Variants in NRXN3 observed in about 807,000 individuals in gnomAD.
The protein encoded by NRXN3 is neurexin 3.
NRXN3 carries 32 observed loss-of-function variants against 137.6 expected under a neutral mutation model. The observed-to-expected ratio is 0.23, with a 90% CI of 0.18 to 0.31. The LOEUF is 0.31. NRXN3 is among the 10% of genes least tolerant of loss of function. The pLI, the probability that NRXN3 is intolerant of heterozygous loss-of-function variation, is 1.00. For synonymous variants in NRXN3, 798 were observed against 784.5 expected, an observed-to-expected ratio of 1.02 and a Z score of -0.29; for missense variants, 1,574 against 2,062.5, an observed-to-expected ratio of 0.76 and a Z score of 4.59.
chr14:78,473,949 C>G lies in NRXN3; in HGVS notation c.758-171171C>G, dbSNP rs533942713. 5.0e-4 allele frequency among the ~76,000 whole-genome samples: 76 copies of G among 152,212 alleles called. 3 individuals are homozygous for G. The South Asian group carries it at 0.015, about 30-fold the overall frequency. On this transcript the variant is annotated intron_variant, in intron 4 of 20. Coordinates refer to ENST00000335750, the MANE Select transcript of NRXN3 (RefSeq NM_001330195.2). ...AGTGTCAGTGTCTTTTGTTACCTAC[C>G]CTGGGATGTCACACTGTCATTTCCT...
At chr14:78,615,968 A>C (rs1490839416) in intron 4 of NRXN3, among the ~76,000 whole-genome samples, 5 of 152,154 alleles carry the variant, frequency 3.3e-5, no homozygotes. Context: ...CAAACAAAAC[A>C]AAACAAATCA....
intron 4 of NRXN3, among the ~76,000 whole-genome samples, chr14:78,632,973 C>T (rs772117038): frequency 5.9e-5 from 9 of 151,870 alleles, no homozygotes; most frequent in South Asian, 2.1e-4. Context: ...TAGTGGCTCA[C>T]GCATGTAATC....
chr14:79,279,596 C>G, intron 15 of NRXN3: 7 of 987,050 alleles, frequency 7.1e-6, no homozygotes, highest in Non-Finnish European at 8.4e-6. Flanking sequence ...TTCTCTTCCT[C>G]TGGCTGCGGT....
chr14:79,522,935 G>A (rs1407781669), intron 16 of NRXN3, among the ~76,000 whole-genome samples: 1 of 152,084 alleles, frequency 6.6e-6, no homozygotes, highest in African/African-American at 2.4e-5. Context: ...TTCTATCACA[G>A]AAACAGTGAC....
At chr14:78,673,285 C>T (rs1371894011) in intron 6 of NRXN3, among the ~76,000 whole-genome samples, 1 of 152,196 alleles carries the variant, frequency 6.6e-6, no homozygotes, top group Non-Finnish European at 1.5e-5. Flanking sequence ...GAATGTCTCA[C>T]AAAGCCTGGT....
intron 3 of NRXN3, among the ~76,000 whole-genome samples, chr14:78,279,952 T>C (rs572375342): frequency 3.6e-4 from 55 of 152,372 alleles, no homozygotes; most frequent in African/African-American, 1.3e-3. Context: ...GTTATTCTAC[T>C]TAATGCAGAG....
intron 16 of NRXN3, among the ~76,000 whole-genome samples, chr14:79,519,366 A>T (rs143626110): frequency 2.6e-5 from 4 of 152,056 alleles, no homozygotes; most frequent in Admixed American, 6.6e-5. Context: ...AGAAACTTTA[A>T]ATATATTAAT....
chr14:78,573,644 G>A (rs984306121), intron 4 of NRXN3, among the ~76,000 whole-genome samples: 5 of 152,194 alleles, frequency 3.3e-5, no homozygotes, highest in Non-Finnish European at 7.3e-5. Context: ...TTCAAGAGGT[G>A]ACTTGGGTGT....
chr14:79,752,479 A>G (rs368419502), intron 19 of NRXN3, among the ~76,000 whole-genome samples: 1 of 152,212 alleles, frequency 6.6e-6, no homozygotes, highest in Admixed American at 6.5e-5. Flanking sequence ...AGGATTCCCT[A>G]TTTAATAAAT....
At chr14:78,788,803 C>T (rs953720541) in intron 8 of NRXN3, among the ~76,000 whole-genome samples, 1 of 152,160 alleles carries the variant, frequency 6.6e-6, no homozygotes. Context: ...GGTTTCCTGA[C>T]TGATTCGGTA....
At chr14:79,071,751 A>G (rs898973427) in intron 15 of NRXN3, among the ~76,000 whole-genome samples, 2 of 152,200 alleles carry the variant, frequency 1.3e-5, no homozygotes, top group Admixed American at 1.3e-4. Context: ...AAGATTTAGG[A>G]TTTGATAGCC....
chr14:78,560,943 G>T (rs1255569666), intron 4 of NRXN3, among the ~76,000 whole-genome samples: 1 of 152,144 alleles, frequency 6.6e-6, no homozygotes, highest in Non-Finnish European at 1.5e-5. Flanking sequence ...TGTTTTTCAG[G>T]ATGCTTTTTC....
intron 15 of NRXN3, among the ~76,000 whole-genome samples, chr14:79,137,536 G>A (rs28402974): frequency 0.061 from 9,228 of 152,186 alleles, 984 homozygotes; most frequent in African/African-American, 0.21. Flanking sequence ...TAAAGAGTGA[G>A]TAATAAAATA....
chr14:79,844,757 T>C (rs1368818718), intron 20 of NRXN3, among the ~76,000 whole-genome samples: 1 of 152,194 alleles, frequency 6.6e-6, no homozygotes, highest in Non-Finnish European at 1.5e-5. Context: ...CTAGGAATTT[T>C]GAAGTGGCAA....
At chr14:78,973,711 A>G (rs1053489026) in intron 14 of NRXN3, among the ~76,000 whole-genome samples, 1 of 152,094 alleles carries the variant, frequency 6.6e-6, no homozygotes, top group African/African-American at 2.4e-5. Flanking sequence ...CACTGATCCT[A>G]TGGTGCCATG....
At chr14:79,403,844 A>G (rs939375217) in intron 15 of NRXN3, among the ~76,000 whole-genome samples, 1 of 152,176 alleles carries the variant, frequency 6.6e-6, no homozygotes, top group African/African-American at 2.4e-5. Flanking sequence ...ACCAGAGGCA[A>G]GCTTGACACG....
intron 15 of NRXN3, among the ~76,000 whole-genome samples, chr14:79,371,833 G>T (rs1186613093): frequency 6.6e-6 from 1 of 152,102 alleles, no homozygotes; most frequent in Non-Finnish European, 1.5e-5. Context: ...TGTTTTTATT[G>T]TAGGTATATG....
rs1225280841 is a variant in NRXN3, at chr14:78,913,274, C to CTTTCTTTTT, written c.2276-43965_2276-43964insCTTTTTTTT. Among the ~76,000 whole-genome samples, 21 of 47,854 alleles carry CTTTCTTTTT rather than the reference C, an allele frequency of 4.4e-4. No homozygotes were observed. In the East Asian group the frequency reaches 4.7e-3, roughly 11 times the overall value. The allele number at this position is 47,854 out of a possible 152,430, so 31.4% of individuals were successfully genotyped here. A position where few individuals can be genotyped will look rare whatever the true frequency, so the allele number is the denominator to read the frequency against. On this transcript the variant is annotated intron_variant, in intron 10 of 20. Coordinates refer to ENST00000335750, the MANE Select transcript of NRXN3 (RefSeq NM_001330195.2). ...TCTTTCTTTCTTTCTTTCTTTCTTT[C>CTTTCTTTTT]TTTTTTTTTTTTTTTTTTTTTTTTG...
chr14:78,325,677 A>C (rs762622876), intron 4 of NRXN3, among the ~76,000 whole-genome samples: 3 of 152,076 alleles, frequency 2.0e-5, no homozygotes, highest in Non-Finnish European at 4.4e-5. Context: ...GGTGTAAAAA[A>C]AAAGCCTAGG....
Sources: gnomAD v4.1 joint callset for allele counts (sites outside exome capture counted in the v4.1 genomes callset) on GRCh38, gnomAD v4.1.1 for gene constraint, MANE v1.5 for transcripts, NCBI Gene and HGNC (gene_info 2026-07-23, HGNC 2026-07-21) for gene names.